NRXN3: variants seen among roughly 807,000 people sequenced by gnomAD.
The protein encoded by NRXN3 is neurexin III.
In NRXN3, 32 loss-of-function variants were observed where a neutral mutation model predicts 137.6. The observed-to-expected ratio is 0.23, with a 90% CI of 0.18 to 0.31. NRXN3 has a LOEUF of 0.31. Ranked by LOEUF, NRXN3 falls within the 10% of genes least tolerant of loss-of-function variation. NRXN3 has a pLI of 1.00. For synonymous variants in NRXN3, 798 were observed against 784.5 expected, an observed-to-expected ratio of 1.02 and a Z score of -0.29; for missense variants, 1,574 against 2,062.5, an observed-to-expected ratio of 0.76 and a Z score of 4.59.
Position 78,476,371 on chromosome 14 carries a change from A to G in NRXN3, c.758-168749A>G, listed in dbSNP as rs149567917. ...CTCCAAGGAGGTGATATTAAATTGA[A>G]ATCTGAATGACAAAGAGGAGCCAGC... On this transcript the variant is annotated intron_variant, in intron 4 of 20. Coordinates refer to ENST00000335750, the MANE Select transcript of NRXN3 (RefSeq NM_001330195.2). 9.7e-3 allele frequency among the ~76,000 whole-genome samples: 1,484 copies of G among 152,292 alleles called. 14 individuals are homozygous for G. The highest frequency in any genetic ancestry group is 0.034 in the African/African-American group (1,398 of 41,550).
chr14:78,216,484 A>C (rs1292988749), intron 1 of NRXN3, among the ~76,000 whole-genome samples: 4 of 152,100 alleles, frequency 2.6e-5, no homozygotes, highest in Non-Finnish European at 1.5e-5. Flanking sequence ...TACACAACAC[A>C]GCAGTGGGGA....
intron 9 of NRXN3, among the ~76,000 whole-genome samples, chr14:78,804,598 G>A (rs771474787): frequency 1.3e-5 from 2 of 152,006 alleles, no homozygotes; most frequent in Non-Finnish European, 2.9e-5. Flanking sequence ...GAAAAATTAT[G>A]ACTTCAAATT....
At chr14:79,656,695 G>C (rs762514364) in intron 16 of NRXN3, among the ~76,000 whole-genome samples, 2 of 148,732 alleles carry the variant, frequency 1.3e-5, no homozygotes, top group Non-Finnish European at 3.0e-5. Flanking sequence ...TGCGCCCTCT[G>C]TTAGCATTTC....
rs540795467 is a variant in NRXN3 at position 79,534,281 on chromosome 14, T to C, written c.3444+66879T>C. 8.5e-4 allele frequency among the ~76,000 whole-genome samples: 130 copies of C among 152,128 alleles called. 1 individual carries two copies. Among genetic ancestry groups the C allele is most frequent in the Non-Finnish European group, 1.7e-3 (119 of 68,012 alleles). On this transcript the variant is annotated intron_variant, in intron 16 of 20. Transcript: ENST00000335750. ...TTATGGCCAAGACTGGGACATGATA[T>C]GGTACAAAATATGGTGTTTTTGTAT... is the stretch of plus-strand genomic sequence containing the variant.
chr14:79,643,571 C>T (rs170251), intron 16 of NRXN3, among the ~76,000 whole-genome samples: 67,119 of 133,968 alleles, frequency 0.5, 25,143 homozygotes, highest in African/African-American at 0.81. Context: ...CATTGAAAGC[C>T]TAACATGATT....
chr14:79,750,995 A>T, intron 19 of NRXN3, among the ~76,000 whole-genome samples: 1 of 152,222 alleles, frequency 6.6e-6, no homozygotes, highest in Middle Eastern at 3.4e-3. Context: ...TCTAATTGAA[A>T]CAAAGCTGTG....
At chr14:79,243,311 A>G (rs2074599590) in intron 15 of NRXN3, among the ~76,000 whole-genome samples, 1 of 152,200 alleles carries the variant, frequency 6.6e-6, no homozygotes, top group South Asian at 2.1e-4. Context: ...CAGCATCCAA[A>G]TACAGCAGAT....
rs116769298 is a variant in NRXN3 at position 78,549,435 on chromosome 14, A to G, written c.758-95685A>G. Among the ~76,000 whole-genome samples, 1,460 of 152,250 alleles carry G rather than the reference A, an allele frequency of 9.6e-3. 25 individuals are homozygous for G. The highest frequency in any genetic ancestry group is 0.033 in the African/African-American group (1,375 of 41,562). On this transcript the variant is annotated intron_variant, in intron 4 of 20. Coordinates refer to ENST00000335750, the MANE Select transcript of NRXN3 (RefSeq NM_001330195.2). Reference sequence around the variant, plus strand: ...GCTCCAAGAAGCCTTTCTCGAGCTCATGCTCCCCTTCACCAAACTGCCACA... The same window carrying G: ...GCTCCAAGAAGCCTTTCTCGAGCTCGTGCTCCCCTTCACCAAACTGCCACA...
chr14:78,955,667 G>A (rs1037600060), intron 10 of NRXN3, among the ~76,000 whole-genome samples: 1 of 152,028 alleles, frequency 6.6e-6, no homozygotes, highest in African/African-American at 2.4e-5. Context: ...GTCATTTGCT[G>A]TGTACATTGT....
chr14:79,173,387 C>G (rs1486942036), intron 15 of NRXN3, among the ~76,000 whole-genome samples: 1 of 151,760 alleles, frequency 6.6e-6, no homozygotes, highest in East Asian at 1.9e-4. Context: ...ACGCACATAG[C>G]TGGGCATGGT....
chr14:78,777,494 C>G (rs1487534795), intron 8 of NRXN3, among the ~76,000 whole-genome samples: 3 of 152,124 alleles, frequency 2.0e-5, no homozygotes, highest in Non-Finnish European at 1.5e-5. Context: ...CTATTCATAA[C>G]ATGTATTCAT....
chr14:79,424,967 A>C (rs543533768), intron 15 of NRXN3, among the ~76,000 whole-genome samples: 1 of 152,220 alleles, frequency 6.6e-6, no homozygotes, highest in Non-Finnish European at 1.5e-5. Flanking sequence ...AAGCTGACTA[A>C]CTGTTCTTTA....
intron 20 of NRXN3, among the ~76,000 whole-genome samples, chr14:79,855,490 A>G (rs1430525052): frequency 6.6e-6 from 1 of 152,164 alleles, no homozygotes; most frequent in Non-Finnish European, 1.5e-5. Flanking sequence ...CCTAAATGGG[A>G]TGTTGTTTTA....
chr14:79,175,384 T>G (rs1420446505), intron 15 of NRXN3, among the ~76,000 whole-genome samples: 1 of 152,218 alleles, frequency 6.6e-6, no homozygotes, highest in Non-Finnish European at 1.5e-5. Flanking sequence ...GAGAATTTTT[T>G]TGGAGCTGTT....
chr14:78,317,637 G>A (rs1010745226), intron 4 of NRXN3, among the ~76,000 whole-genome samples: 1 of 152,166 alleles, frequency 6.6e-6, no homozygotes, highest in Non-Finnish European at 1.5e-5. Context: ...CCACATTGGG[G>A]AGGGCAATTT....
At chr14:78,474,289 T>C (rs1388525777) in intron 4 of NRXN3, among the ~76,000 whole-genome samples, 1 of 152,112 alleles carries the variant, frequency 6.6e-6, no homozygotes, top group Non-Finnish European at 1.5e-5. Context: ...TATATTGGAG[T>C]GTACATAACA....
chr14:79,419,235 A>G (rs1025160384), intron 15 of NRXN3, among the ~76,000 whole-genome samples: 4 of 152,182 alleles, frequency 2.6e-5, no homozygotes, highest in African/African-American at 9.7e-5. Context: ...TTCTTCTGAA[A>G]ACAGATGGTC....
At chr14:78,635,845 C>G (rs961836341) in intron 4 of NRXN3, among the ~76,000 whole-genome samples, 13 of 152,142 alleles carry the variant, frequency 8.5e-5, no homozygotes, top group African/African-American at 3.1e-4. Flanking sequence ...GTTAAGTTCT[C>G]CACCATCCTA....
At chr14:78,498,978 CTT>C in intron 4 of NRXN3, among the ~76,000 whole-genome samples, 1 of 152,170 alleles carries the variant, frequency 6.6e-6, no homozygotes, top group African/African-American at 2.4e-5. Context: ...ATGTTGTTAG[CTT>C]CTCTGTACCT....
Sources: gnomAD v4.1 joint callset for allele counts (sites outside exome capture counted in the v4.1 genomes callset) on GRCh38, gnomAD v4.1.1 for gene constraint, MANE v1.5 for transcripts, NCBI Gene and HGNC (gene_info 2026-07-23, HGNC 2026-07-21) for gene names.